The following SLC22A23 variants were observed in gnomAD, a reference collection of about 807,000 sequenced individuals.
SLC22A23 encodes the protein ion transporter protein.
SLC22A23 carries 26 observed loss-of-function variants against 61.0 expected under a neutral mutation model. The ratio of observed to expected loss-of-function variants is 0.43; its 90% CI spans 0.31 to 0.59. The LOEUF (loss-of-function observed/expected upper bound fraction) is 0.59, where lower values mean the gene tolerates loss of function less well. SLC22A23 is among the 20% of genes least tolerant of loss of function. The probability of loss-of-function intolerance (pLI) is 0.11; values close to 1 mark genes in which losing one functional copy is unlikely to be tolerated. For synonymous variants in SLC22A23, 430 were observed against 413.9 expected (o/e 1.04, Z -0.47); for missense variants, 796 against 934.7 (o/e 0.85, Z 1.94).
chr6:3,276,669 C>A (rs1758937767), intron 9 of SLC22A23: 1 of 152,300 alleles, frequency 6.6e-6, no homozygotes, highest in African/African-American at 2.4e-5. Flanking sequence ...CAGCCGAGCT[C>A]CCACAGGCTA....
chr6:3,420,395 G>C (rs1012939094), intron 1 of SLC22A23, among the ~76,000 whole-genome samples: 2 of 152,100 alleles, frequency 1.3e-5, no homozygotes, highest in Non-Finnish European at 2.9e-5. Context: ...AATTTCTAAA[G>C]AAGATGGAAA....
At chr6:3,452,868 A>T (rs1265120025) in intron 1 of SLC22A23, among the ~76,000 whole-genome samples, 1 of 152,202 alleles carries the variant, frequency 6.6e-6, no homozygotes, top group African/African-American at 2.4e-5. Context: ...AAAATTGTTA[A>T]GATGAAACCT....
At position 3,304,592 on chromosome 6, in the gene SLC22A23, A is replaced by G. The variant is rs530470395; in HGVS notation, c.1083-6374T>C. ...GAAATGGATTTGTCACTACTCACTC[A>G]AATCCACTGAGCGAGTTGGATAGAA... On this transcript the variant is annotated intron_variant, in intron 4 of 9. Coordinates refer to ENST00000406686, the MANE Select transcript of SLC22A23 (RefSeq NM_015482.2). The surrounding 1 kb of genome is among the most constrained non-coding windows in gnomAD (Gnocchi z 4.3). Among the ~76,000 whole-genome samples the G allele has an allele frequency of 1.2e-4, 18 of 152,152 alleles. No homozygotes were observed. Among genetic ancestry groups the G allele is most frequent in the Non-Finnish European group, 2.4e-4 (16 of 68,028 alleles).
intron 3 of SLC22A23, among the ~76,000 whole-genome samples, chr6:3,366,700 C>T (rs1173151955): frequency 6.6e-6 from 1 of 152,172 alleles, no homozygotes; most frequent in East Asian, 1.9e-4. Context: ...CTCTCATAAG[C>T]TAAACATCAG....
intron 8 of SLC22A23, among the ~76,000 whole-genome samples, chr6:3,284,626 C>T (rs913346278): frequency 7.9e-5 from 12 of 152,190 alleles, no homozygotes; most frequent in Admixed American, 5.9e-4. Context: ...GCAGCAGCTT[C>T]GAGGTGCAGG....
At position 3,386,544 on chromosome 6, in the gene SLC22A23, A is replaced by T. The variant is rs1173307750; in HGVS notation, c.913+23644T>A. Among the ~76,000 whole-genome samples, 2 of 152,202 alleles carry T rather than the reference A, an allele frequency of 1.3e-5. No homozygotes were observed. Among genetic ancestry groups the T allele is most frequent in the African/African-American group, 4.8e-5 (2 of 41,458 alleles). On this transcript the variant is annotated intron_variant, in intron 3 of 9. Coordinates refer to ENST00000406686, the MANE Select transcript of SLC22A23 (RefSeq NM_015482.2). The surrounding 1 kb of genome is among the most constrained non-coding windows in gnomAD (Gnocchi z 4.4). ...TTCTGAGGCAGCCTTGTTCTTCCAG[A>T]CACAGAGGAGGCTGGCACTGCCAGG...
chr6:3,276,297 G>A (rs906919921), intron 9 of SLC22A23, among the ~76,000 whole-genome samples: 3 of 152,226 alleles, frequency 2.0e-5, no homozygotes, highest in African/African-American at 7.2e-5. Context: ...TGCAGCCCTA[G>A]GGGACAAAGA....
Position 3,309,793 on chromosome 6 carries a change from G to A in SLC22A23, c.1083-11575C>T, listed in dbSNP as rs1385487116. 2.0e-5 allele frequency among the ~76,000 whole-genome samples: 3 copies of A among 152,188 alleles called. No individual in the cohort carries two copies. Among genetic ancestry groups the A allele is most frequent in the Non-Finnish European group, 2.9e-5 (2 of 68,040 alleles). ...CCAGGGACAGGCAACATTACAAAAC[G>A]GAACTACAGTCAGAAGGGCATCTCC... On this transcript the variant is annotated intron_variant, in intron 4 of 9. Coordinates refer to ENST00000406686, the MANE Select transcript of SLC22A23 (RefSeq NM_015482.2). The surrounding 1 kb of genome is among the most constrained non-coding windows in gnomAD (Gnocchi z 4.7).
At chr6:3,296,404 C>T (rs1191279470) in intron 5 of SLC22A23, among the ~76,000 whole-genome samples, 1 of 152,242 alleles carries the variant, frequency 6.6e-6, no homozygotes, top group African/African-American at 2.4e-5. Context: ...TGCTTAGCCT[C>T]TCTGTGCTCC....
chr6:3,430,226 G>C (rs1770769160), intron 1 of SLC22A23, among the ~76,000 whole-genome samples: 1 of 152,130 alleles, frequency 6.6e-6, no homozygotes, highest in South Asian at 2.1e-4. Context: ...AAATCTCCAA[G>C]GTGCAGGCCT....
chr6:3,311,610 T>A (rs917419781), intron 4 of SLC22A23: 3 of 152,216 alleles, frequency 2.0e-5, no homozygotes, highest in African/African-American at 7.2e-5. Context: ...GGGATGAGTA[T>A]CATGAAATCG....
At chr6:3,326,500 C>A (rs1055797680) in intron 3 of SLC22A23, among the ~76,000 whole-genome samples, 2 of 152,152 alleles carry the variant, frequency 1.3e-5, no homozygotes, top group Non-Finnish European at 2.9e-5. Context: ...AAACTGTAAG[C>A]ATGTTTTGCC....
chr6:3,434,765 C>T (rs138164016), intron 1 of SLC22A23, among the ~76,000 whole-genome samples: 26 of 152,280 alleles, frequency 1.7e-4, no homozygotes, highest in African/African-American at 2.4e-4. Context: ...AATCCACCAA[C>T]GGAATAACCG....
intron 4 of SLC22A23, among the ~76,000 whole-genome samples, chr6:3,306,918 G>A (rs1762015007): frequency 6.6e-6 from 1 of 152,228 alleles, no homozygotes; most frequent in African/African-American, 2.4e-5. Flanking sequence ...GGCTGTGTGT[G>A]TCTGCAGTGC....
intron 4 of SLC22A23, among the ~76,000 whole-genome samples, chr6:3,310,218 C>T (rs1561888015): frequency 6.8e-6 from 1 of 147,702 alleles, no homozygotes; most frequent in African/African-American, 2.7e-5. Flanking sequence ...AGCGGGAGCA[C>T]CCTGTCTCCC....
rs1038996205 is a variant in SLC22A23 at position 3,456,010 on chromosome 6, G to A, written c.550C>T (p.Pro184Ser). The A allele has an allele frequency of 6.5e-7, 1 of 1,547,006 alleles. No homozygotes were observed. Among genetic ancestry groups the A allele is most frequent in the African/African-American group, 1.4e-5 (1 of 73,158 alleles). ...CCCTTGTCCGGAGGGGATGGCAGGG[G>A]TGGTGTGTCGCCTCCGTCCGCGCCG... The part of the protein sequence containing the change: ...SSGADGGDTP[P>S]LPSPPDKGDN... The change falls in exon 1 of 10, where the codon CCC becomes TCC. Residue 184 changes from proline to serine, a missense_variant. Pro to Ser is a moderately conservative substitution (Grantham distance 74). Transcript: ENST00000406686. This position sits in a 1 kb window ranked among gnomAD's most constrained non-coding sequence, Gnocchi z 7.1.
Position 3,322,677 on chromosome 6 carries a change from C to T in SLC22A23, c.1082+1157G>A, listed in dbSNP as rs1341818770. ...AACCAGGCTCTCGGGGAAACCGCAC[C>T]TGCACCCTCGCAGTACATCTACTAC... On this transcript the variant is annotated intron_variant, in intron 4 of 9. Coordinates refer to ENST00000406686, the MANE Select transcript of SLC22A23 (RefSeq NM_015482.2). This position sits in a 1 kb window ranked among gnomAD's most constrained non-coding sequence, Gnocchi z 4.1. Among the ~76,000 whole-genome samples the T allele has an allele frequency of 6.6e-6, 1 of 152,182 alleles. No homozygotes were observed. Among genetic ancestry groups the T allele is most frequent in the Non-Finnish European group, 1.5e-5 (1 of 68,028 alleles).
rs56117822 is a variant in SLC22A23, at chr6:3,317,722, G to A, written c.1082+6112C>T. 8.8e-3 allele frequency among the ~76,000 whole-genome samples: 1,340 copies of A among 152,212 alleles called. 25 individuals are homozygous for A. Among genetic ancestry groups the A allele is most frequent in the African/African-American group, 0.031 (1,277 of 41,520 alleles). On this transcript the variant is annotated intron_variant, in intron 4 of 9. Coordinates refer to ENST00000406686, the MANE Select transcript of SLC22A23 (RefSeq NM_015482.2). The surrounding 1 kb of genome is among the most constrained non-coding windows in gnomAD (Gnocchi z 4.4). ...TGCAATCACCCAGCGCTTTGACGGC[G>A]TCTACTTTCAGGTGAAAAACACTCA...
At chr6:3,448,443 T>G (rs986651248) in intron 1 of SLC22A23, among the ~76,000 whole-genome samples, 3 of 152,198 alleles carry the variant, frequency 2.0e-5, no homozygotes, top group African/African-American at 7.2e-5. Flanking sequence ...ACCACCAGTT[T>G]GTGGCAACCT....
Sources: gnomAD v4.1 joint callset for allele counts (sites outside exome capture counted in the v4.1 genomes callset) on GRCh38, gnomAD v4.1.1 for gene constraint, Gnocchi (gnomAD v3.1) non-coding constraint, MANE v1.5 for transcripts, NCBI Gene and HGNC (gene_info 2026-07-23, HGNC 2026-07-21) for gene names.